Variants in IFT88 observed in about 807,000 individuals in gnomAD.
IFT88 encodes intraflagellar transport protein 88 homolog.
IFT88 carries 74 observed loss-of-function variants against 119.5 expected under a neutral mutation model. The ratio of observed to expected loss-of-function variants is 0.62; its 90% CI spans 0.51 to 0.75. The LOEUF is 0.75. Ranked by LOEUF, IFT88 falls within the 30% of genes least tolerant of loss-of-function variation. IFT88 has a pLI of 0.00. For missense variants in IFT88, 961 were observed against 977.7 expected (o/e 0.98, Z 0.23); for synonymous variants, 279 against 316.7 (o/e 0.88, Z 1.26).
intron 23 of IFT88, among the ~76,000 whole-genome samples, chr13:20,668,364 CT>C (rs34411338): frequency 0.4 from 59,854 of 149,910 alleles, 13,637 homozygotes; most frequent in Non-Finnish European, 0.52. Context: ...GTTGAGATTT[CT>C]TTTTTTTTTT....
intron 2 of IFT88, among the ~76,000 whole-genome samples, chr13:20,578,034 C>CTT (rs57202566): frequency 1.1e-4 from 6 of 55,870 alleles, no homozygotes; most frequent in African/African-American, 1.9e-4. Flanking sequence ...CTTGTTACTT[C>CTT]TTTTTTTTTT....
chr13:20,568,294 C>T (rs571618357), intron 1 of IFT88, among the ~76,000 whole-genome samples: 2 of 152,292 alleles, frequency 1.3e-5, no homozygotes, highest in Admixed American at 1.3e-4. Context: ...TTGGAAATTG[C>T]CTGGAGAATC....
In IFT88 at chr13:20,690,807, A is replaced by G. The variant is rs749726010; in HGVS notation, c.2345A>G (p.Lys782Arg). The change falls in exon 25 of 26, where the codon AAA becomes AGA. Residue 782 changes from lysine to arginine, a missense_variant. Physicochemically the swap from Lys to Arg is conservative, Grantham distance 26. Coordinates refer to ENST00000351808, the MANE Select transcript of IFT88 (RefSeq NM_006531.5). ...GAACCTTATGAAAGTAGCAGTAACAAAGAAATAGGCAAGTACTCTCCACCC... is the reference window on the plus strand; with the variant it reads ...GAACCTTATGAAAGTAGCAGTAACAGAGAAATAGGCAAGTACTCTCCACCC... ...TNEPYESSSN[K>R]EIDASYVDPL... is the part of the protein sequence containing the mutation. 1.9e-6 allele frequency: 3 copies of G among 1,609,348 alleles called. No homozygotes were observed. In the Admixed American group the frequency reaches 5.0e-5, roughly 27 times the overall value.
intron 16 of IFT88, among the ~76,000 whole-genome samples, chr13:20,637,518 G>A (rs1352611560): frequency 6.6e-6 from 1 of 152,182 alleles, no homozygotes; most frequent in Non-Finnish European, 1.5e-5. Context: ...GGAAGCAGAT[G>A]CCTCTGTGCA....
chr13:20,672,253 G>A (rs917662826), intron 24 of IFT88, among the ~76,000 whole-genome samples: 1 of 152,110 alleles, frequency 6.6e-6, no homozygotes, highest in African/African-American at 2.4e-5. Flanking sequence ...GTGGCATCGG[G>A]TTCTAGCCAG....
chr13:20,675,398 G>A (rs772609494), intron 24 of IFT88, among the ~76,000 whole-genome samples: 2 of 152,152 alleles, frequency 1.3e-5, no homozygotes, highest in Admixed American at 6.5e-5. Context: ...TTTGTATACG[G>A]TATGTATCAC....
chr13:20,625,746 A>G lies in IFT88; in HGVS notation c.1200-4A>G, dbSNP rs762725443. ...AGTAAGGTTTTTTATGCTTTCCCTT[A>G]TAGGTGCGTGGAAGTGGTGAAAGCT... On this transcript the variant is annotated splice_polypyrimidine_tract_variant and splice_region_variant and intron_variant, in intron 14 of 25. Transcript: ENST00000351808. 9 of 1,580,656 alleles carry G rather than the reference A, an allele frequency of 5.7e-6. No individual in the cohort carries two copies. Among genetic ancestry groups the G allele is most frequent in the South Asian group, 4.6e-5 (4 of 86,100 alleles).
chr13:20,602,480 C>CA (rs1347737191), intron 12 of IFT88, among the ~76,000 whole-genome samples: 1 of 152,156 alleles, frequency 6.6e-6, no homozygotes, highest in Non-Finnish European at 1.5e-5. Flanking sequence ...GCTGGGATTA[C>CA]AGGTATGAGC....
At chr13:20,598,568 G>C in intron 9 of IFT88, 83 bp from the exon 10 acceptor site, 1 of 725,946 alleles carries the variant, frequency 1.4e-6, no homozygotes, top group Non-Finnish European at 2.3e-6. Flanking sequence ...CTTTGTTATA[G>C]GATTTTAATC....
At chr13:20,611,057 A>ATGC (rs1409751472) in intron 13 of IFT88, among the ~76,000 whole-genome samples, 1 of 151,922 alleles carries the variant, frequency 6.6e-6, no homozygotes, top group Non-Finnish European at 1.5e-5. Flanking sequence ...ATGCCACTGC[A>ATGC]CACCAGCCTG....
At chr13:20,656,826 A>G (rs770812149) in intron 22 of IFT88, among the ~76,000 whole-genome samples, 3 of 152,230 alleles carry the variant, frequency 2.0e-5, no homozygotes, top group African/African-American at 4.8e-5. Flanking sequence ...TAGGGTTTAT[A>G]AAAACTGAAC....
chr13:20,601,870 G>C lies in IFT88; in HGVS notation c.978G>C (p.Lys326Asn). ...FAIGDREKMK[K>N]AFQKLITVPL... ...TTGGAGACCGAGAAAAAATGAAGAA[G>C]GCATTCCAAAAATTGATTACTGTTC... The change falls in exon 12 of 26, where the codon AAG (lysine) becomes AAC (asparagine). Residue 326 changes from lysine to asparagine, a missense_variant. Lys to Asn is a moderately conservative substitution (Grantham distance 94). Transcript: ENST00000351808. 6.2e-7 allele frequency: 1 copy of C among 1,612,078 alleles called. No homozygotes were observed.
intron 17 of IFT88, among the ~76,000 whole-genome samples, chr13:20,640,355 T>C (rs1001000339): frequency 8.6e-5 from 13 of 151,252 alleles, no homozygotes; most frequent in African/African-American, 2.7e-4. Context: ...AGGCGGATCA[T>C]GAGGTCAGGA....
intron 3 of IFT88, among the ~76,000 whole-genome samples, chr13:20,586,831 A>G (rs2039758748): frequency 6.6e-6 from 1 of 152,208 alleles, no homozygotes; most frequent in African/African-American, 2.4e-5. Context: ...AGTTCACCTA[A>G]CAACTTTATA....
At chr13:20,592,766 G>T (rs2040916118) in intron 7 of IFT88, among the ~76,000 whole-genome samples, 1 of 146,844 alleles carries the variant, frequency 6.8e-6, no homozygotes, top group South Asian at 2.2e-4. Context: ...CACCACACCA[G>T]CTCACATAAT....
At position 20,656,399 on chromosome 13, in the gene IFT88, T is replaced by C. The variant is rs1400178159; in HGVS notation, c.2037T>C (p.Asp679=). 1 of 1,524,364 alleles carries C rather than the reference T, an allele frequency of 6.6e-7. No individual in the cohort carries two copies. Among genetic ancestry groups the C allele is most frequent in the East Asian group, 2.3e-5 (1 of 42,786 alleles). The allele number at this position is 1,524,364 out of a possible 1,614,324, so 94.4% of individuals were successfully genotyped here. Residue 679 remains aspartate (D), a synonymous_variant, in exon 22 of 26, where the codon GAT becomes GAC. Transcript: ENST00000351808. The stretch of plus-strand genomic sequence containing the variant: ...AAAAAGCATTAGATACTTACAAAGA[T>C]ACTCACAGAAAATTTCCAGAAAATG... The part of the protein sequence containing the change: ...NYQKALDTYK[D]THRKFPENVE...
chr13:20,645,707 C>T (rs965990908), intron 20 of IFT88, among the ~76,000 whole-genome samples: 1 of 152,118 alleles, frequency 6.6e-6, no homozygotes, highest in Admixed American at 6.5e-5. Context: ...TTATACATAT[C>T]TGATTCAAAA....
intron 24 of IFT88, among the ~76,000 whole-genome samples, chr13:20,673,824 A>AAT (rs1303616141): frequency 6.6e-6 from 1 of 152,172 alleles, no homozygotes; most frequent in East Asian, 1.9e-4. Flanking sequence ...CTAGTGCACA[A>AAT]ATAAGCTTTA....
intron 1 of IFT88, among the ~76,000 whole-genome samples, chr13:20,569,636 A>C (rs1486919999): frequency 6.6e-6 from 1 of 151,966 alleles, no homozygotes; most frequent in African/African-American, 2.4e-5. Context: ...ATGTAAAATG[A>C]TGTACAGAAT....
Sources: gnomAD v4.1 joint callset for allele counts (sites outside exome capture counted in the v4.1 genomes callset) on GRCh38, gnomAD v4.1.1 for gene constraint, MANE v1.5 for transcripts, NCBI Gene and HGNC (gene_info 2026-07-23, HGNC 2026-07-21) for gene names.